Variants in NRXN3 observed in about 807,000 individuals in gnomAD.
NRXN3 encodes neurexin 3, also known as neurexin III.
NRXN3 carries 32 observed loss-of-function variants against 137.6 expected under a neutral mutation model. That is an observed-to-expected ratio of 0.23 (90% CI 0.18 to 0.31). The LOEUF is 0.31. NRXN3 is among the 10% of genes least tolerant of loss of function. The pLI, the probability that NRXN3 is intolerant of heterozygous loss-of-function variation, is 1.00. For synonymous variants in NRXN3, 798 were observed against 784.5 expected, an observed-to-expected ratio of 1.02 and a Z score of -0.29; for missense variants, 1,574 against 2,062.5, an observed-to-expected ratio of 0.76 and a Z score of 4.59.
chr14:78,962,544 C>T (rs919104291), intron 11 of NRXN3, among the ~76,000 whole-genome samples: 1 of 151,994 alleles, frequency 6.6e-6, no homozygotes, highest in Non-Finnish European at 1.5e-5. Flanking sequence ...GATTAAATGA[C>T]ACATAGATTA....
At chr14:78,716,528 A>G (rs2098434855) in intron 8 of NRXN3, among the ~76,000 whole-genome samples, 1 of 152,194 alleles carries the variant, frequency 6.6e-6, no homozygotes, top group Admixed American at 6.5e-5. Flanking sequence ...GACAGAAAAG[A>G]AGGACATGGA....
chr14:79,131,988 C>G (rs531423522), intron 15 of NRXN3, among the ~76,000 whole-genome samples: 21 of 152,278 alleles, frequency 1.4e-4, no homozygotes, highest in Non-Finnish European at 2.5e-4. Context: ...AGGGAACTCC[C>G]TGACCCCTTG....
chr14:79,755,578 A>G (rs866820830), intron 19 of NRXN3, among the ~76,000 whole-genome samples: 4 of 150,996 alleles, frequency 2.6e-5, no homozygotes, highest in African/African-American at 9.7e-5. Context: ...TTTCTCTACA[A>G]CTCATTCTAA....
At chr14:79,559,446 G>A (rs969858752) in intron 16 of NRXN3, among the ~76,000 whole-genome samples, 10 of 152,258 alleles carry the variant, frequency 6.6e-5, no homozygotes, top group African/African-American at 2.2e-4. Context: ...AGATTAGCGA[G>A]TGGCTGGTCA....
At chr14:78,293,295 G>T (rs1313081670) in intron 3 of NRXN3, among the ~76,000 whole-genome samples, 3 of 152,112 alleles carry the variant, frequency 2.0e-5, no homozygotes, top group East Asian at 3.9e-4. Flanking sequence ...TATGAATGGG[G>T]TTGTGAGAAG....
At chr14:78,320,845 CG>C (rs1567251862) in intron 4 of NRXN3, among the ~76,000 whole-genome samples, 1 of 152,096 alleles carries the variant, frequency 6.6e-6, no homozygotes, top group African/African-American at 2.4e-5. Context: ...TGGCTGGGTG[CG>C]GTGGCTCATG....
At position 78,243,474 on chromosome 14, in the gene NRXN3, C is replaced by G; in HGVS notation, c.381C>G (p.Gly127=). The change falls in exon 2 of 21, where the codon GGC becomes GGG. Residue 127 remains glycine, a synonymous_variant. Transcript: ENST00000335750. This position sits in a 1 kb window ranked among gnomAD's most constrained non-coding sequence, Gnocchi z 4.2. ...TGCGCACGGTGCTGATGCTTGATGG[C>G]GAGGGCCAGTCTGGGGAGCTGCAGC... ...DRLRTVLMLD[G]EGQSGELQPQ... 6.3e-7 allele frequency: 1 copy of G among 1,584,844 alleles called. No individual in the cohort carries two copies. The highest frequency in any genetic ancestry group is 2.3e-5 in the East Asian group (1 of 44,350).
intron 15 of NRXN3, among the ~76,000 whole-genome samples, chr14:79,011,259 G>C (rs1244014995): frequency 6.6e-6 from 1 of 151,982 alleles, no homozygotes; most frequent in Admixed American, 6.5e-5. Context: ...GCAAACATTT[G>C]TCTGTTGAGT....
At chr14:78,512,009 C>A (rs2096118246) in intron 4 of NRXN3, among the ~76,000 whole-genome samples, 1 of 152,190 alleles carries the variant, frequency 6.6e-6, no homozygotes, top group African/African-American at 2.4e-5. Context: ...ATTAAATGCA[C>A]AATGCGTGAC....
chr14:79,749,624 C>T (rs1228539300), intron 19 of NRXN3, among the ~76,000 whole-genome samples: 1 of 152,054 alleles, frequency 6.6e-6, no homozygotes, highest in African/African-American at 2.4e-5. Context: ...GCCATCAACA[C>T]TGGCTTCATC....
At chr14:78,851,929 C>T (rs1399332539) in intron 10 of NRXN3, among the ~76,000 whole-genome samples, 1 of 152,018 alleles carries the variant, frequency 6.6e-6, no homozygotes, top group Non-Finnish European at 1.5e-5. Flanking sequence ...TTTTAGGTTA[C>T]ACTTAAAATA....
chr14:78,653,907 A>G (rs567303852), intron 6 of NRXN3, among the ~76,000 whole-genome samples: 1 of 152,240 alleles, frequency 6.6e-6, no homozygotes, highest in South Asian at 2.1e-4. Context: ...ACAAATATGC[A>G]TTTAAATTCA....
At chr14:78,206,028 AG>A (rs745772444) in intron 1 of NRXN3, among the ~76,000 whole-genome samples, 1 of 152,206 alleles carries the variant, frequency 6.6e-6, no homozygotes, top group African/African-American at 2.4e-5. Flanking sequence ...CCATTTGATG[AG>A]GCCAAGAAAC....
At chr14:79,624,791 G>GT (rs56285610) in intron 16 of NRXN3, among the ~76,000 whole-genome samples, 2,662 of 120,568 alleles carry the variant, frequency 0.022, 216 homozygotes, top group African/African-American at 0.096. Flanking sequence ...TTTCTTTCCC[G>GT]TTTTTTTTTT....
intron 12 of NRXN3, 95 bp from the exon 13 acceptor site, chr14:78,967,113 G>A (rs1352366661): frequency 1.0e-6 from 1 of 990,654 alleles, no homozygotes; most frequent in African/African-American, 1.6e-5. Flanking sequence ...TTTAGCATGG[G>A]GGATTTGAAG....
intron 10 of NRXN3, among the ~76,000 whole-genome samples, chr14:78,951,507 G>C (rs2099387026): frequency 6.6e-6 from 1 of 152,108 alleles, no homozygotes; most frequent in African/African-American, 2.4e-5. Context: ...CTACAAAGTA[G>C]CCAGTCCTCA....
At chr14:79,795,206 G>T (rs774424418) in intron 19 of NRXN3, among the ~76,000 whole-genome samples, 4 of 152,176 alleles carry the variant, frequency 2.6e-5, no homozygotes, top group Non-Finnish European at 4.4e-5. Context: ...CCACATAGAA[G>T]TTCTGTTGTG....
intron 16 of NRXN3, among the ~76,000 whole-genome samples, chr14:79,555,613 C>T (rs2097421694): frequency 6.6e-6 from 1 of 152,140 alleles, no homozygotes; most frequent in South Asian, 2.1e-4. Context: ...TTCAAAATGA[C>T]TTCTCAGAGA....
At chr14:78,946,458 C>T (rs987110448) in intron 10 of NRXN3, among the ~76,000 whole-genome samples, 3 of 152,150 alleles carry the variant, frequency 2.0e-5, no homozygotes, top group Admixed American at 6.5e-5. Flanking sequence ...TTCAACTCCC[C>T]CAGCAGACTC....
Sources: gnomAD v4.1 joint callset for allele counts (sites outside exome capture counted in the v4.1 genomes callset) on GRCh38, gnomAD v4.1.1 for gene constraint, Gnocchi (gnomAD v3.1) non-coding constraint, MANE v1.5 for transcripts, NCBI Gene and HGNC (gene_info 2026-07-23, HGNC 2026-07-21) for gene names.